The following PPP1R14C variants were observed in gnomAD, a reference collection of about 807,000 sequenced individuals.
PPP1R14C encodes protein phosphatase 1 regulatory inhibitor subunit 14C, also known as protein phosphatase 1 regulatory subunit 14C.
PPP1R14C carries 16 observed loss-of-function variants against 20.4 expected under a neutral mutation model. That is an observed-to-expected ratio of 0.78 (90% CI 0.53 to 1.19). PPP1R14C has a LOEUF of 1.19. PPP1R14C is among the 50% of genes most tolerant of loss of function. The pLI is 0.00. For missense variants in PPP1R14C, 211 were observed against 220.1 expected, an observed-to-expected ratio of 0.96 and a Z score of 0.26; for synonymous variants, 91 against 91.0, an observed-to-expected ratio of 1.00 and a Z score of 0.00.
intron 1 of PPP1R14C, among the ~76,000 whole-genome samples, chr6:150,169,190 A>G (rs530487644): frequency 1.3e-5 from 2 of 152,308 alleles, no homozygotes; most frequent in South Asian, 4.1e-4. Flanking sequence ...ATATAAAATT[A>G]TCAATAAGAT....
At chr6:150,152,440 C>T (rs1382616238) in intron 1 of PPP1R14C, among the ~76,000 whole-genome samples, 1 of 152,168 alleles carries the variant, frequency 6.6e-6, no homozygotes, top group African/African-American at 2.4e-5. Context: ...AGCAGGAGCC[C>T]CTTAGCACGT....
In PPP1R14C at chr6:150,201,126, C is replaced by T. The variant is rs1001640452; in HGVS notation, c.307-13618C>T. Among the ~76,000 whole-genome samples, 3 of 152,190 alleles carry T rather than the reference C, an allele frequency of 2.0e-5. No homozygotes were observed. The highest frequency in any genetic ancestry group is 1.5e-5 in the Non-Finnish European group (1 of 68,030). On this transcript the variant is annotated intron_variant, in intron 1 of 3. Transcript: ENST00000361131. This position sits in a 1 kb window ranked among gnomAD's most constrained non-coding sequence, Gnocchi z 4.2. ...CTATTGGGCAGGATACTCAGACATT[C>T]CATCTGTAAATAGAGATGATGATAA...
intron 1 of PPP1R14C, among the ~76,000 whole-genome samples, chr6:150,204,263 GA>G (rs1459443749): frequency 6.6e-6 from 1 of 152,206 alleles, no homozygotes; most frequent in African/African-American, 2.4e-5. Flanking sequence ...CCAACCTGCC[GA>G]CTTTCTCGTC....
intron 3 of PPP1R14C, among the ~76,000 whole-genome samples, chr6:150,231,162 G>A (rs1162057690): frequency 6.6e-6 from 1 of 152,110 alleles, no homozygotes; most frequent in East Asian, 1.9e-4. Flanking sequence ...GGGAGAGAAA[G>A]GACCTTGTGT....
chr6:150,162,243 C>T (rs966848481), intron 1 of PPP1R14C, among the ~76,000 whole-genome samples: 14 of 152,162 alleles, frequency 9.2e-5, no homozygotes, highest in African/African-American at 2.2e-4. Flanking sequence ...TTAGTAGAGA[C>T]GGGGTTTCGC....
chr6:150,228,696 C>T (rs542285795), intron 3 of PPP1R14C, among the ~76,000 whole-genome samples: 12 of 152,142 alleles, frequency 7.9e-5, no homozygotes, highest in South Asian at 2.1e-4. Context: ...CCCAAGTATA[C>T]GAAGATGCTT....
chr6:150,174,374 C>T (rs1370202443), intron 1 of PPP1R14C, among the ~76,000 whole-genome samples: 1 of 151,910 alleles, frequency 6.6e-6, no homozygotes, highest in Non-Finnish European at 1.5e-5. Context: ...TGCCCCCCAC[C>T]ACTCCCAGGT....
At chr6:150,216,522 G>T (rs1778095580) in intron 2 of PPP1R14C, among the ~76,000 whole-genome samples, 1 of 151,298 alleles carries the variant, frequency 6.6e-6, no homozygotes, top group Non-Finnish European at 1.5e-5. Context: ...AAACAAAACT[G>T]GTCAAGGGTT....
At chr6:150,231,112 C>T (rs1052426755) in intron 3 of PPP1R14C, among the ~76,000 whole-genome samples, 1 of 152,184 alleles carries the variant, frequency 6.6e-6, no homozygotes, top group South Asian at 2.1e-4. Flanking sequence ...CACTGTGATA[C>T]CACGCCCCTG....
intron 1 of PPP1R14C, among the ~76,000 whole-genome samples, chr6:150,165,833 G>A (rs1225871730): frequency 6.6e-6 from 1 of 152,208 alleles, no homozygotes; most frequent in Non-Finnish European, 1.5e-5. Context: ...CAAAGAAAAA[G>A]AGATGAAAAT....
At chr6:150,241,406 T>C (rs902320914) in intron 3 of PPP1R14C, among the ~76,000 whole-genome samples, 1 of 152,200 alleles carries the variant, frequency 6.6e-6, no homozygotes, top group African/African-American at 2.4e-5. Flanking sequence ...CCCTGAGTTC[T>C]GGGAGTTGCT....
intron 2 of PPP1R14C, 50 bp downstream of exon 2, chr6:150,214,877 T>G (rs1402007006): frequency 1.5e-6 from 2 of 1,312,898 alleles, no homozygotes; most frequent in East Asian, 2.4e-5. Flanking sequence ...CACTTGAGAG[T>G]CTACTTGGGT....
chr6:150,190,733 A>G (rs1777732382), intron 1 of PPP1R14C, among the ~76,000 whole-genome samples: 1 of 152,116 alleles, frequency 6.6e-6, no homozygotes, highest in African/African-American at 2.4e-5. Context: ...CGTATTTTGC[A>G]TTCTGTAGTC....
rs1029541994 is a variant in PPP1R14C at position 150,185,440 on chromosome 6, G to A, written c.307-29304G>A. ...TCGTCTTGCCATGGGGACCATCCTTGCATTAACCACAGGAATTTCCAGCAA... is the reference window on the plus strand; with the variant it reads ...TCGTCTTGCCATGGGGACCATCCTTACATTAACCACAGGAATTTCCAGCAA... On this transcript the variant is annotated intron_variant, in intron 1 of 3. Coordinates refer to ENST00000361131, the MANE Select transcript of PPP1R14C (RefSeq NM_030949.3). This position sits in a 1 kb window ranked among gnomAD's most constrained non-coding sequence, Gnocchi z 4.1. Among the ~76,000 whole-genome samples the A allele has an allele frequency of 6.6e-6, 1 of 152,032 alleles. No individual in the cohort carries two copies. The highest frequency in any genetic ancestry group is 2.4e-5 in the African/African-American group (1 of 41,384).
Position 150,248,932 on chromosome 6 carries a change from T to TG in PPP1R14C, c.*112_*113insG. On this transcript the variant is annotated 3_prime_UTR_variant, in exon 4 of 4. Transcript: ENST00000361131. ...TCCTTATGAACAACGTTTTTGTTTTTTTTTTTTTCTTTTTTGGTGTGAAGG... is the reference window on the plus strand; with the variant it reads ...TCCTTATGAACAACGTTTTTGTTTTTGTTTTTTTTCTTTTTTGGTGTGAAGG... The TG allele has an allele frequency of 3.5e-6, 2 of 572,490 alleles. 1 individual carries two copies. 35.5% of individuals were successfully genotyped at this position (572,490 alleles called of 1,614,324 possible). A position where few individuals can be genotyped will look rare whatever the true frequency, so the allele number is the denominator to read the frequency against.
intron 1 of PPP1R14C, among the ~76,000 whole-genome samples, chr6:150,168,334 A>C (rs1204028462): frequency 6.6e-6 from 1 of 151,776 alleles, no homozygotes; most frequent in Non-Finnish European, 1.5e-5. Context: ...CAGGAGATCG[A>C]GACCATCCTG....
chr6:150,173,863 G>A (rs1445798471), intron 1 of PPP1R14C, among the ~76,000 whole-genome samples: 6 of 151,936 alleles, frequency 3.9e-5, no homozygotes, highest in African/African-American at 9.7e-5. Flanking sequence ...GGATAGCCTC[G>A]TGAGTTCTGC....
chr6:150,249,407 CT>C lies in PPP1R14C; in HGVS notation c.*590del. ...TGAGTGCTGCTGACTTCAACGTTCA[CT>C]TTATGCACCAAAGTGAAAGAATTCA... On this transcript the variant is annotated 3_prime_UTR_variant, in exon 4 of 4. Coordinates refer to ENST00000361131, the MANE Select transcript of PPP1R14C (RefSeq NM_030949.3). 1 of 398,750 alleles carries C rather than the reference CT, an allele frequency of 2.5e-6. No homozygotes were observed. The highest frequency in any genetic ancestry group is 4.4e-6 in the Non-Finnish European group (1 of 226,068). 24.7% of individuals were successfully genotyped at this position (398,750 alleles called of 1,614,324 possible). A position where few individuals can be genotyped will look rare whatever the true frequency, so the allele number is the denominator to read the frequency against.
At position 150,143,112 on chromosome 6, in the gene PPP1R14C, C is replaced by A; in HGVS notation, c.-81C>A. On this transcript the variant is annotated 5_prime_UTR_variant, in exon 1 of 4. Coordinates refer to ENST00000361131, the MANE Select transcript of PPP1R14C (RefSeq NM_030949.3). The surrounding 1 kb of genome is among the most constrained non-coding windows in gnomAD (Gnocchi z 5.6). Reference sequence around the variant, plus strand: ...CGGGGAGCCCTTCGCATGCGGCTGCCGGGCCGGAGGTGGTAGCGGCGCCGG... The same window carrying A: ...CGGGGAGCCCTTCGCATGCGGCTGCAGGGCCGGAGGTGGTAGCGGCGCCGG... 8.6e-7 allele frequency: 1 copy of A among 1,158,834 alleles called. No homozygotes were observed. 71.8% of individuals were successfully genotyped at this position (1,158,834 alleles called of 1,614,324 possible).
Sources: gnomAD v4.1 joint callset for allele counts (sites outside exome capture counted in the v4.1 genomes callset) on GRCh38, gnomAD v4.1.1 for gene constraint, Gnocchi (gnomAD v3.1) non-coding constraint, MANE v1.5 for transcripts, NCBI Gene and HGNC (gene_info 2026-07-23, HGNC 2026-07-21) for gene names.